Variants in LTN1 observed in about 807,000 individuals in gnomAD.
LTN1 encodes E3 ubiquitin-protein ligase listerin.
Under a neutral mutation model 201.2 loss-of-function variants are expected in LTN1, and 88 were observed. The ratio of observed to expected loss-of-function variants is 0.44; its 90% CI spans 0.37 to 0.52. The LOEUF is 0.52. Among genes scored for constraint, LTN1 ranks in the 20% least tolerant of loss-of-function variants. The probability of loss-of-function intolerance (pLI) is 0.00; values close to 1 mark genes in which losing one functional copy is unlikely to be tolerated. For synonymous variants in LTN1, 645 were observed against 713.5 expected, an observed-to-expected ratio of 0.90 and a Z score of 1.53; for missense variants, 1,752 against 2,038.7, an observed-to-expected ratio of 0.86 and a Z score of 2.71.
intron 25 of LTN1, among the ~76,000 whole-genome samples, chr21:28,939,307 A>T (rs1397358960): frequency 6.6e-6 from 1 of 152,182 alleles, no homozygotes; most frequent in East Asian, 1.9e-4. Flanking sequence ...GGGAGCCTGG[A>T]AACAATCCCC....
intron 21 of LTN1, 128 bp from the exon 22 acceptor site, chr21:28,944,724 A>G: frequency 3.1e-6 from 2 of 647,694 alleles, no homozygotes; most frequent in East Asian, 5.6e-5. Flanking sequence ...TGAGGTGTGT[A>G]ATCTCAGGAG....
At position 28,945,829 on chromosome 21, in the gene LTN1, C is replaced by T. The variant is rs111595419; in HGVS notation, c.3746G>A (p.Cys1249Tyr). 1 of 1,613,360 alleles carries T rather than the reference C, an allele frequency of 6.2e-7. No homozygotes were observed. The highest frequency in any genetic ancestry group is 1.1e-5 in the South Asian group (1 of 90,982). ...TACCTCCAACCAAGCCAACATGGAGCACATGATGAAGTCCCACTCACTCTC... is the reference window on the plus strand; with the variant it reads ...TACCTCCAACCAAGCCAACATGGAGTACATGATGAAGTCCCACTCACTCTC... ...LAESEWDFIM[C>Y]SMLAWLETTS... Residue 1249 changes from cysteine (C) to tyrosine (Y), a missense_variant, in exon 21 of 30, where the codon TGC becomes TAC. This residue lies in a region of LTN1 where 1,211 missense variants were observed against 1,312.8 expected (regional missense o/e 0.92). Coordinates refer to ENST00000361371, the MANE Select transcript of LTN1 (RefSeq NM_015565.3).
chr21:28,943,980 AATGTC>A (rs199623880), intron 22 of LTN1, 76 bp from the exon 23 acceptor site: 24 of 630,818 alleles, frequency 3.8e-5, no homozygotes, highest in South Asian at 5.9e-5. Flanking sequence ...CAAACAATCA[AATGTC>A]ATTTAAGAAA....
intron 3 of LTN1, among the ~76,000 whole-genome samples, chr21:28,985,886 C>T (rs941892238): frequency 6.6e-6 from 1 of 152,030 alleles, no homozygotes; most frequent in Non-Finnish European, 1.5e-5. Context: ...GTCTCAAACT[C>T]CTGACCTCAA....
intron 4 of LTN1, among the ~76,000 whole-genome samples, chr21:28,983,577 G>C (rs888578588): frequency 6.6e-6 from 1 of 152,208 alleles, no homozygotes; most frequent in African/African-American, 2.4e-5. Flanking sequence ...GCTGGGTGAA[G>C]AGATTAGATA....
At chr21:28,942,019 AG>A (rs2084301271) in intron 24 of LTN1, among the ~76,000 whole-genome samples, 1 of 152,216 alleles carries the variant, frequency 6.6e-6, no homozygotes, top group Non-Finnish European at 1.5e-5. Flanking sequence ...TTATACTTTC[AG>A]GTGAACTTAT....
chr21:28,992,463 A>G (rs1381463572), intron 1 of LTN1, among the ~76,000 whole-genome samples: 2 of 152,086 alleles, frequency 1.3e-5, no homozygotes, highest in Non-Finnish European at 2.9e-5. Flanking sequence ...CCAACCCGCT[A>G]CCTCGGCCAG....
intron 9 of LTN1, among the ~76,000 whole-genome samples, chr21:28,968,542 C>T (rs1053125886): frequency 6.6e-6 from 1 of 152,136 alleles, no homozygotes; most frequent in Non-Finnish European, 1.5e-5. Flanking sequence ...AAGATGATTG[C>T]TTCATGATTT....
intron 4 of LTN1, among the ~76,000 whole-genome samples, chr21:28,984,290 T>A (rs1167571796): frequency 6.6e-6 from 1 of 152,042 alleles, no homozygotes; most frequent in Non-Finnish European, 1.5e-5. Flanking sequence ...CATCCATGTA[T>A]AGTAATACCA....
chr21:28,963,507 T>A (rs567811280), intron 11 of LTN1, among the ~76,000 whole-genome samples: 2 of 152,198 alleles, frequency 1.3e-5, no homozygotes, highest in African/African-American at 4.8e-5. Context: ...AAGAAAAAAA[T>A]TCTACAATAA....
intron 4 of LTN1, among the ~76,000 whole-genome samples, chr21:28,983,381 C>T (rs1317356652): frequency 6.6e-6 from 1 of 152,176 alleles, no homozygotes; most frequent in Admixed American, 6.5e-5. Context: ...ACTCTTGTAA[C>T]GTTTATAACT....
At chr21:28,946,352 A>C in intron 19 of LTN1, 65 bp from the exon 20 acceptor site, 1 of 1,121,276 alleles carries the variant, frequency 8.9e-7, no homozygotes, top group Non-Finnish European at 1.2e-6. Context: ...ATTAAAAAAA[A>C]GTCCACTTTG....
intron 9 of LTN1, 87 bp downstream of exon 9, chr21:28,969,379 A>ATTAC: frequency 8.9e-7 from 1 of 1,126,658 alleles, no homozygotes; most frequent in Non-Finnish European, 1.2e-6. Context: ...AGGAAGGCTT[A>ATTAC]TTACTGTAAA....
In LTN1 at chr21:28,969,152, C is replaced by G. The variant is rs557242183; in HGVS notation, c.1311+314G>C. The stretch of plus-strand genomic sequence containing the variant: ...AGGAGAATAGCTTGAACCCGGGAGG[C>G]AGAGGTTGCAGTGAGCTGAGATTGC... On this transcript the variant is annotated intron_variant, in intron 9 of 29. Coordinates refer to ENST00000361371, the MANE Select transcript of LTN1 (RefSeq NM_015565.3). Among the ~76,000 whole-genome samples the G allele has an allele frequency of 6.7e-4, 102 of 151,680 alleles. 1 individual carries two copies. The highest frequency in any genetic ancestry group is 2.2e-3 in the African/African-American group (90 of 41,394).
chr21:28,977,118 A>G (rs2084620969), intron 6 of LTN1, among the ~76,000 whole-genome samples: 1 of 152,206 alleles, frequency 6.6e-6, no homozygotes, highest in Non-Finnish European at 1.5e-5. Flanking sequence ...TCATGCATGT[A>G]ATCCCAGCAC....
chr21:28,987,705 T>C (rs1427395022), intron 1 of LTN1, among the ~76,000 whole-genome samples: 2 of 152,232 alleles, frequency 1.3e-5, no homozygotes, highest in Non-Finnish European at 2.9e-5. Context: ...ATATTTGAAC[T>C]GCTAAAAGAA....
chr21:28,940,023 A>G (rs907653276), intron 25 of LTN1, among the ~76,000 whole-genome samples: 8 of 152,238 alleles, frequency 5.3e-5, no homozygotes, highest in Admixed American at 4.6e-4. Flanking sequence ...GCAACAACAT[A>G]AATTATAATT....
rs750521850 is a variant in LTN1 at position 28,966,331 on chromosome 21, ATTATTCAAATAG to A, written c.2121+27_2121+38del. 2.7e-6 allele frequency: 4 copies of A among 1,473,592 alleles called. No homozygotes were observed. In the South Asian group the frequency reaches 3.9e-5, roughly 14 times the overall value. 91.3% of individuals were successfully genotyped at this position (1,473,592 alleles called of 1,614,324 possible). A position where few individuals can be genotyped will look rare whatever the true frequency, so the allele number is the denominator to read the frequency against. On this transcript the variant is annotated intron_variant, in intron 10 of 29. Transcript: ENST00000361371. ...ATAAGCAGGCTCATTCTACTCATCT[ATTATTCAAATAG>A]TTTGAAAAGATATACAACAGGAATA...
At chr21:28,991,594 T>C (rs962808142) in intron 1 of LTN1, among the ~76,000 whole-genome samples, 1 of 152,242 alleles carries the variant, frequency 6.6e-6, no homozygotes, top group Non-Finnish European at 1.5e-5. Context: ...AAAGAGTATA[T>C]GGGATGTCGT....
Sources: allele counts gnomAD v4.1 joint callset (sites outside exome capture counted in the v4.1 genomes callset), GRCh38; gene constraint gnomAD v4.1.1; regional missense constraint gnomAD v4.1.1; transcripts MANE v1.5; gene names NCBI Gene and HGNC (gene_info 2026-07-23, HGNC 2026-07-21).